RAB11FIP3: variants seen among roughly 807,000 people sequenced by gnomAD.
The protein encoded by RAB11FIP3 is RAB11 family interacting protein 3.
A neutral mutation model predicts 77.8 loss-of-function variants in RAB11FIP3; 17 were observed. The observed-to-expected ratio is 0.22, with a 90% confidence interval of 0.15 to 0.33. The LOEUF is 0.33. Ranked by LOEUF, RAB11FIP3 falls within the 10% of genes least tolerant of loss-of-function variation. The probability of loss-of-function intolerance (pLI) is 1.00; values close to 1 mark genes in which losing one functional copy is unlikely to be tolerated. For synonymous variants in RAB11FIP3, 437 were observed against 448.2 expected, an observed-to-expected ratio of 0.98 and a Z score of 0.31; for missense variants, 1,005 against 1,011.2, an observed-to-expected ratio of 0.99 and a Z score of 0.08.
Position 426,633 on chromosome 16 carries a change from C to T in RAB11FIP3, c.627C>T (p.Ala209=), listed in dbSNP as rs747955091. The T allele has an allele frequency of 1.0e-5, 16 of 1,588,900 alleles. No homozygotes were observed. The highest frequency in any genetic ancestry group is 2.7e-5 in the African/African-American group (2 of 73,260). ...AGGAGGACGGCCCCCGCCTCCGAGC[C>T]GTGTTCGATGCCCTGGACGGGGATG... ...GSQEDGPRLR[A]VFDALDGDGD... Residue 209 remains alanine, a synonymous_variant, in exon 1 of 14, where the codon GCC becomes GCT. Coordinates refer to ENST00000262305, the MANE Select transcript of RAB11FIP3 (RefSeq NM_014700.4). The surrounding 1 kb of genome is among the most constrained non-coding windows in gnomAD (Gnocchi z 5.0).
At chr16:496,687 G>A in intron 5 of RAB11FIP3, 137 bp from the exon 6 acceptor site, 1 of 805,826 alleles carries the variant, frequency 1.2e-6, no homozygotes, top group Non-Finnish European at 2.1e-6. Context: ...GCATGGACTT[G>A]CCTGGGGGGC....
At chr16:511,476 A>T (rs1333930761) in intron 9 of RAB11FIP3, among the ~76,000 whole-genome samples, 3 of 128,190 alleles carry the variant, frequency 2.3e-5, no homozygotes, top group African/African-American at 9.4e-5. Context: ...CCTGCCGGCT[A>T]GGTAGGAGAA....
At chr16:452,880 G>C (rs1441445833) in intron 1 of RAB11FIP3, among the ~76,000 whole-genome samples, 1 of 67,988 alleles carries the variant, frequency 1.5e-5, no homozygotes, top group Non-Finnish European at 2.9e-5. Context: ...TCAGCATCCC[G>C]AGTAGTTGGG....
intron 3 of RAB11FIP3, chr16:477,750 T>A: frequency 1.2e-6 from 1 of 834,278 alleles, no homozygotes; most frequent in Non-Finnish European, 1.4e-6. Context: ...TTTTTATGAA[T>A]TACTTCCTTA....
chr16:467,156 G>T (rs2055714690), intron 2 of RAB11FIP3, among the ~76,000 whole-genome samples: 1 of 152,204 alleles, frequency 6.6e-6, no homozygotes, highest in African/African-American at 2.4e-5. Flanking sequence ...GGAGGCAGAG[G>T]AGTGGGGAGG....
chr16:453,159 C>G (rs932560283), intron 1 of RAB11FIP3, among the ~76,000 whole-genome samples: 1 of 151,490 alleles, frequency 6.6e-6, no homozygotes, highest in Admixed American at 6.6e-5. Flanking sequence ...ACTGCAAGCT[C>G]CACCTCCCGG....
intron 2 of RAB11FIP3, among the ~76,000 whole-genome samples, chr16:469,836 T>G (rs1036132965): frequency 1.3e-5 from 2 of 152,016 alleles, no homozygotes; most frequent in Admixed American, 1.3e-4. Flanking sequence ...CCACTTTTCT[T>G]TTTTCTTCGA....
intron 9 of RAB11FIP3, among the ~76,000 whole-genome samples, chr16:515,657 C>T (rs551104138): frequency 7.9e-5 from 12 of 151,474 alleles, no homozygotes; most frequent in African/African-American, 2.2e-4. Flanking sequence ...CGACACACAC[C>T]GGTGTTTGCA....
chr16:459,875 CTTTTTTTTTTT>C (rs1170379362), intron 1 of RAB11FIP3, among the ~76,000 whole-genome samples: 1 of 119,340 alleles, frequency 8.4e-6, no homozygotes, highest in East Asian at 2.4e-4. Flanking sequence ...ATTGAGTTGT[CTTTTTTTTTTT>C]TTTTTTTTTG....
At chr16:478,170 G>A (rs944717092) in intron 3 of RAB11FIP3, among the ~76,000 whole-genome samples, 1 of 151,688 alleles carries the variant, frequency 6.6e-6, no homozygotes, top group Non-Finnish European at 1.5e-5. Context: ...GGTAGCCCTC[G>A]CAGGTCTTAG....
rs9935720 is a variant in RAB11FIP3 at position 514,962 on chromosome 16, G to C, written c.1641-3981G>C. Reference sequence around the variant, plus strand: ...GCCAAGGAAGCCCAGGGAAGCCTTCGCTTGTGCCACGTAGCATAGCTCGTC... The same window carrying C: ...GCCAAGGAAGCCCAGGGAAGCCTTCCCTTGTGCCACGTAGCATAGCTCGTC... On this transcript the variant is annotated intron_variant, in intron 9 of 13. Coordinates refer to ENST00000262305, the MANE Select transcript of RAB11FIP3 (RefSeq NM_014700.4). The surrounding 1 kb of genome is among the most constrained non-coding windows in gnomAD (Gnocchi z 4.6). Among the ~76,000 whole-genome samples the C allele has an allele frequency of 6.6e-6, 1 of 152,314 alleles. No homozygotes were observed. The highest frequency in any genetic ancestry group is 2.1e-4 in the South Asian group (1 of 4,826).
At chr16:444,802 T>C (rs1279373747) in intron 1 of RAB11FIP3, among the ~76,000 whole-genome samples, 4 of 149,708 alleles carry the variant, frequency 2.7e-5, no homozygotes, top group Admixed American at 6.7e-5. Context: ...CTGGCCAACA[T>C]AGCGAGACTA....
chr16:466,888 G>A (rs927083668), intron 2 of RAB11FIP3, among the ~76,000 whole-genome samples: 1 of 152,204 alleles, frequency 6.6e-6, no homozygotes, highest in Non-Finnish European at 1.5e-5. Flanking sequence ...GCTAGTCATC[G>A]TGAGCCGGCC....
In RAB11FIP3 at chr16:426,145, G is replaced by A. The variant is rs1437860733; in HGVS notation, c.139G>A (p.Gly47Ser). ...AELRLGAPVG[G>S]PDPQSPGLDE... ...GCTACGCCTCGGAGCGCCCGTCGGC[G>A]GCCCCGACCCGCAGTCCCCGGGCCT... The change falls in exon 1 of 14, where the codon GGC (glycine) becomes AGC (serine). Residue 47 changes from glycine to serine, a missense_variant. Transcript: ENST00000262305. The surrounding 1 kb of genome is among the most constrained non-coding windows in gnomAD (Gnocchi z 5.0). 1.2e-5 allele frequency: 12 copies of A among 1,013,302 alleles called. No individual in the cohort carries two copies. Among genetic ancestry groups the A allele is most frequent in the Non-Finnish European group, 1.2e-5 (10 of 849,962 alleles). 62.8% of individuals were successfully genotyped at this position (1,013,302 alleles called of 1,614,324 possible). A position where few individuals can be genotyped will look rare whatever the true frequency, so the allele number is the denominator to read the frequency against.
intron 8 of RAB11FIP3, chr16:510,307 C>T (rs2032080004): frequency 4.1e-6 from 1 of 245,612 alleles, no homozygotes; most frequent in South Asian, 6.1e-5. Context: ...GCAGGTGGAG[C>T]AGCTGCATGA....
Position 514,018 on chromosome 16 carries a change from G to A in RAB11FIP3, c.1640+3218G>A, listed in dbSNP as rs769459704. Among the ~76,000 whole-genome samples, 2 of 152,190 alleles carry A rather than the reference G, an allele frequency of 1.3e-5. No homozygotes were observed. Among genetic ancestry groups the A allele is most frequent in the African/African-American group, 2.4e-5 (1 of 41,440 alleles). On this transcript the variant is annotated intron_variant, in intron 9 of 13. Transcript: ENST00000262305. This position sits in a 1 kb window ranked among gnomAD's most constrained non-coding sequence, Gnocchi z 4.6. Reference sequence around the variant, plus strand: ...GGCACAGCCGTGTGGACATCCTGCCGCCTCTGTGTGCTCTGGTGTGGAGGG... The same window carrying A: ...GGCACAGCCGTGTGGACATCCTGCCACCTCTGTGTGCTCTGGTGTGGAGGG...
intron 5 of RAB11FIP3, among the ~76,000 whole-genome samples, chr16:492,047 A>T (rs60909820): frequency 3.3e-5 from 5 of 152,164 alleles, no homozygotes; most frequent in Admixed American, 2.6e-4. Flanking sequence ...GCATGTTTAG[A>T]GGTATCTGTG....
chr16:483,903 C>T (rs2056097851), intron 4 of RAB11FIP3, among the ~76,000 whole-genome samples: 1 of 152,120 alleles, frequency 6.6e-6, no homozygotes, highest in African/African-American at 2.4e-5. Flanking sequence ...GCCCGCCCGT[C>T]CCCCGCTTAG....
At chr16:518,123 G>T (rs193208782) in intron 9 of RAB11FIP3, among the ~76,000 whole-genome samples, 77 of 152,358 alleles carry the variant, frequency 5.1e-4, no homozygotes, top group Admixed American at 1.5e-3. Context: ...TTTGTCACTA[G>T]GCTGGAGCGC....
Sources: gnomAD v4.1 joint callset for allele counts (sites outside exome capture counted in the v4.1 genomes callset) on GRCh38, gnomAD v4.1.1 for gene constraint, Gnocchi (gnomAD v3.1) non-coding constraint, MANE v1.5 for transcripts, NCBI Gene and HGNC (gene_info 2026-07-23, HGNC 2026-07-21) for gene names.